The following RABGAP1L variants were observed in gnomAD, a reference collection of about 807,000 sequenced individuals.
RABGAP1L encodes RAB GTPase activating protein 1 like.
RABGAP1L carries 63 observed loss-of-function variants against 137.7 expected under a neutral mutation model. The ratio of observed to expected loss-of-function variants is 0.46; its 90% CI spans 0.37 to 0.56. RABGAP1L has a LOEUF of 0.56. RABGAP1L is among the 20% of genes least tolerant of loss of function. The pLI, the probability that RABGAP1L is intolerant of heterozygous loss-of-function variation, is 0.00. For synonymous variants in RABGAP1L, 431 were observed against 433.7 expected, an observed-to-expected ratio of 0.99 and a Z score of 0.08; for missense variants, 1,095 against 1,244.0, an observed-to-expected ratio of 0.88 and a Z score of 1.80.
intron 19 of RABGAP1L, chr1:174,892,833 G>T (rs1444705685): frequency 7.3e-6 from 2 of 273,602 alleles, no homozygotes; most frequent in African/African-American, 4.7e-5. Context: ...AGGTTCAAGC[G>T]ATTCTCCTGC....
intron 10 of RABGAP1L, among the ~76,000 whole-genome samples, chr1:174,293,323 C>G (rs984274624): frequency 6.6e-6 from 1 of 152,098 alleles, no homozygotes; most frequent in Non-Finnish European, 1.5e-5. Flanking sequence ...AAAATAGGCT[C>G]TTGGCTGGTA....
chr1:174,277,058 C>T (rs1049231314), intron 9 of RABGAP1L, among the ~76,000 whole-genome samples: 54 of 151,968 alleles, frequency 3.6e-4, no homozygotes, highest in African/African-American at 1.2e-3. Context: ...AGGAAGCATT[C>T]GTGAATACTG....
chr1:174,886,036 A>G (rs1480739999), intron 19 of RABGAP1L, among the ~76,000 whole-genome samples: 1 of 146,096 alleles, frequency 6.8e-6, no homozygotes, highest in Non-Finnish European at 1.5e-5. Context: ...TTTTTGAGAC[A>G]GAGTTTTGCT....
At chr1:174,712,975 G>A (rs1680692537) in intron 17 of RABGAP1L, among the ~76,000 whole-genome samples, 1 of 152,136 alleles carries the variant, frequency 6.6e-6, no homozygotes, top group Non-Finnish European at 1.5e-5. Context: ...GGACCAGGGT[G>A]GTCTTGGGAA....
intron 13 of RABGAP1L, chr1:174,548,370 C>A: frequency 9.6e-7 from 1 of 1,042,914 alleles, no homozygotes; most frequent in South Asian, 3.5e-5. Flanking sequence ...CTTTAAAAGT[C>A]CTGTCTACCA....
At chr1:174,411,085 A>AT (rs1649873451) in intron 13 of RABGAP1L, among the ~76,000 whole-genome samples, 1 of 152,058 alleles carries the variant, frequency 6.6e-6, no homozygotes, top group Non-Finnish European at 1.5e-5. Flanking sequence ...TTGTGTGCTG[A>AT]TTTTTTATCT....
intron 19 of RABGAP1L, among the ~76,000 whole-genome samples, chr1:174,844,124 G>A (rs1693795915): frequency 6.7e-6 from 1 of 150,222 alleles, no homozygotes; most frequent in South Asian, 2.1e-4. Flanking sequence ...CTGGATATTA[G>A]CCCTTTGTCA....
At chr1:174,805,097 T>C (rs1363323113) in intron 18 of RABGAP1L, among the ~76,000 whole-genome samples, 4 of 152,216 alleles carry the variant, frequency 2.6e-5, no homozygotes, top group Non-Finnish European at 2.9e-5. Flanking sequence ...TAATTTCCAT[T>C]GTATACATCT....
At chr1:174,239,216 ATCACCCGTCTTCTGCGTCGC>A (rs2148545682) in intron 4 of RABGAP1L, among the ~76,000 whole-genome samples, 1 of 152,226 alleles carries the variant, frequency 6.6e-6, no homozygotes, top group Admixed American at 6.5e-5. Flanking sequence ...AAATGCAGAA[ATCACCCGTCTTCTGCGTCGC>A]TCACGCTGGG....
intron 13 of RABGAP1L, among the ~76,000 whole-genome samples, chr1:174,513,084 A>G (rs1246145054): frequency 2.6e-5 from 4 of 152,284 alleles, no homozygotes; most frequent in South Asian, 4.1e-4. Flanking sequence ...ACTTTATGAC[A>G]GTTGTTAATA....
At chr1:174,956,054 T>TA (rs1280250802) in intron 19 of RABGAP1L, among the ~76,000 whole-genome samples, 2 of 152,184 alleles carry the variant, frequency 1.3e-5, no homozygotes, top group African/African-American at 4.8e-5. Flanking sequence ...ATACTTATTT[T>TA]AAAAAAAATT....
rs145564914 is a variant in RABGAP1L, at chr1:174,218,465, T to A, written c.-33-660T>A. ...GAGTGTTGTTTCTATGCTGTAGAGATCTATCCAGAAAACAGAATTACACTG... is the reference window on the plus strand; with the variant it reads ...GAGTGTTGTTTCTATGCTGTAGAGAACTATCCAGAAAACAGAATTACACTG... On this transcript the variant is annotated intron_variant, in intron 1 of 25. Transcript: ENST00000681986. 3.0e-4 allele frequency among the ~76,000 whole-genome samples: 45 copies of A among 152,280 alleles called. 1 individual carries two copies. The East Asian group carries it at 8.3e-3, about 28-fold the overall frequency.
chr1:174,503,179 G>T (rs893020808), intron 13 of RABGAP1L, among the ~76,000 whole-genome samples: 1 of 152,144 alleles, frequency 6.6e-6, no homozygotes, highest in African/African-American at 2.4e-5. Flanking sequence ...TCAAAATAAA[G>T]TTTCATTGGA....
At chr1:174,618,853 C>T (rs1037321163) in intron 13 of RABGAP1L, among the ~76,000 whole-genome samples, 3 of 151,904 alleles carry the variant, frequency 2.0e-5, no homozygotes, top group African/African-American at 4.8e-5. Context: ...AGCTACAGGA[C>T]GAAATTCAAA....
At chr1:174,241,445 A>C (rs1671820778) in intron 4 of RABGAP1L, 38 bp from the exon 5 acceptor site, 2 of 1,366,042 alleles carry the variant, frequency 1.5e-6, no homozygotes, top group Non-Finnish European at 2.0e-6. Flanking sequence ...TTCTTCGAGA[A>C]TTAATATTTT....
chr1:174,596,368 G>C (rs1396006818), intron 13 of RABGAP1L, among the ~76,000 whole-genome samples: 1 of 152,022 alleles, frequency 6.6e-6, no homozygotes, highest in Non-Finnish European at 1.5e-5. Context: ...CGGCCATCTT[G>C]GTTCCTCCCT....
chr1:174,242,326 A>T (rs1446457455), intron 5 of RABGAP1L, among the ~76,000 whole-genome samples: 1 of 152,234 alleles, frequency 6.6e-6, no homozygotes, highest in Non-Finnish European at 1.5e-5. Context: ...AATCTTTTCT[A>T]CATCTATTGA....
At position 174,441,286 on chromosome 1, in the gene RABGAP1L, G is replaced by A. The variant is rs545430967; in HGVS notation, c.1710+47141G>A. 3.3e-5 allele frequency among the ~76,000 whole-genome samples: 5 copies of A among 152,024 alleles called. No homozygotes were observed. In the East Asian group the frequency reaches 9.7e-4, roughly 29 times the overall value. The stretch of plus-strand genomic sequence containing the variant: ...GATACCTAATGACCCCGAAAATGAA[G>A]CGAATTATGCCTAATTTAAAAACAA... On this transcript the variant is annotated intron_variant, in intron 13 of 25. Transcript: ENST00000681986.
chr1:174,813,218 A>G (rs891211590), intron 19 of RABGAP1L, among the ~76,000 whole-genome samples: 1 of 152,190 alleles, frequency 6.6e-6, no homozygotes, highest in Non-Finnish European at 1.5e-5. Flanking sequence ...TTGAGAGATG[A>G]TGATAGACTG....
Sources: gnomAD v4.1 joint callset for allele counts (sites outside exome capture counted in the v4.1 genomes callset) on GRCh38, gnomAD v4.1.1 for gene constraint, MANE v1.5 for transcripts, NCBI Gene and HGNC (gene_info 2026-07-23, HGNC 2026-07-21) for gene names.